Variants in PCDH9 observed in about 807,000 individuals in gnomAD.
PCDH9 encodes protocadherin 9.
PCDH9 carries 24 observed loss-of-function variants against 70.6 expected under a neutral mutation model. The observed-to-expected ratio is 0.34, with a 90% CI of 0.25 to 0.48. The LOEUF (loss-of-function observed/expected upper bound fraction) is 0.48, where lower values mean the gene tolerates loss of function less well. Ranked by LOEUF, PCDH9 falls within the 20% of genes least tolerant of loss-of-function variation. The pLI is 0.99. For synonymous variants in PCDH9, 562 were observed against 558.5 expected (o/e 1.01, Z -0.09); for missense variants, 1,281 against 1,503.6 (o/e 0.85, Z 2.45).
chr13:67,085,896 G>A (rs2086097569), intron 2 of PCDH9, among the ~76,000 whole-genome samples: 2 of 152,128 alleles, frequency 1.3e-5, no homozygotes, highest in South Asian at 4.1e-4. Flanking sequence ...CATGCGAATA[G>A]GTAATGTTCG....
In PCDH9 at chr13:66,808,803, C is replaced by T. The variant is rs1160166834; in HGVS notation, c.3138+94701G>A. ...CAGTTGCCGCATCAGAACCCAGAAG[C>T]TTATGAGTAATGCAGTATTTCAGGC... On this transcript the variant is annotated intron_variant, in intron 3 of 4. Transcript: ENST00000377865. Among the ~76,000 whole-genome samples the T allele has an allele frequency of 2.6e-5, 4 of 152,126 alleles. No homozygotes were observed. In the East Asian group the frequency reaches 7.7e-4, roughly 29 times the overall value.
intron 2 of PCDH9, among the ~76,000 whole-genome samples, chr13:67,015,901 T>C (rs1350015993): frequency 1.3e-5 from 2 of 152,194 alleles, no homozygotes; most frequent in African/African-American, 4.8e-5. Flanking sequence ...GTCCCTCCAG[T>C]GAAATTATAA....
chr13:66,693,227 G>A (rs952737040), intron 3 of PCDH9, among the ~76,000 whole-genome samples: 11 of 152,044 alleles, frequency 7.2e-5, no homozygotes, highest in African/African-American at 2.7e-4. Flanking sequence ...CCACAGAACT[G>A]TGGTATTACA....
At chr13:66,327,419 T>C (rs2138106749) in intron 4 of PCDH9, among the ~76,000 whole-genome samples, 1 of 152,358 alleles carries the variant, frequency 6.6e-6, no homozygotes, top group South Asian at 2.1e-4. Flanking sequence ...GGGAGACCTC[T>C]TGGTGTAGAA....
At chr13:66,417,039 T>A (rs553889060) in intron 4 of PCDH9, among the ~76,000 whole-genome samples, 1 of 152,304 alleles carries the variant, frequency 6.6e-6, no homozygotes, top group South Asian at 2.1e-4. Context: ...GAATTTTTTT[T>A]ATTATACTTT....
chr13:66,769,652 T>C (rs566996938), intron 3 of PCDH9, among the ~76,000 whole-genome samples: 1 of 152,216 alleles, frequency 6.6e-6, no homozygotes, highest in African/African-American at 2.4e-5. Flanking sequence ...CTTTCTGCAA[T>C]GGAAGTTAAA....
chr13:66,657,340 G>C (rs1424629651), intron 3 of PCDH9, among the ~76,000 whole-genome samples: 1 of 152,082 alleles, frequency 6.6e-6, no homozygotes, highest in Non-Finnish European at 1.5e-5. Context: ...AAATAACAGG[G>C]AGGCGCCTGG....
At chr13:66,614,721 T>C (rs4387492) in intron 4 of PCDH9, among the ~76,000 whole-genome samples, 148,597 of 152,300 alleles carry the variant, frequency 0.98, 72,604 homozygotes, top group East Asian at 1. Context: ...AGAAATAGCA[T>C]TTGAACATAA....
At chr13:67,033,168 T>C (rs1315172251) in intron 2 of PCDH9, among the ~76,000 whole-genome samples, 1 of 152,200 alleles carries the variant, frequency 6.6e-6, no homozygotes, top group East Asian at 1.9e-4. Context: ...TTCTCTCTCT[T>C]TTCTGTGATT....
At chr13:67,035,631 T>TA (rs1277841810) in intron 2 of PCDH9, among the ~76,000 whole-genome samples, 16 of 149,886 alleles carry the variant, frequency 1.1e-4, no homozygotes, top group Admixed American at 9.4e-4. Context: ...TTTGACTTGT[T>TA]AAAAAAAATG....
At chr13:67,111,855 A>G (rs924236022) in intron 2 of PCDH9, among the ~76,000 whole-genome samples, 5 of 152,134 alleles carry the variant, frequency 3.3e-5, no homozygotes, top group African/African-American at 7.2e-5. Flanking sequence ...ACTGTCATTT[A>G]TTTTTAATAA....
chr13:66,977,683 C>G (rs1355960173), intron 2 of PCDH9, among the ~76,000 whole-genome samples: 1 of 152,058 alleles, frequency 6.6e-6, no homozygotes. Flanking sequence ...ACTGTCATAG[C>G]AGGTTCCAGC....
intron 3 of PCDH9, among the ~76,000 whole-genome samples, chr13:66,774,793 C>A (rs1348779606): frequency 6.6e-6 from 1 of 152,158 alleles, no homozygotes; most frequent in African/African-American, 2.4e-5. Context: ...TTACAATTAT[C>A]CCTGTCCTCC....
chr13:66,886,719 G>A (rs754443753), intron 3 of PCDH9, among the ~76,000 whole-genome samples: 1 of 152,166 alleles, frequency 6.6e-6, no homozygotes, highest in Non-Finnish European at 1.5e-5. Flanking sequence ...AAACAGCTAA[G>A]TAGCAGTGTG....
intron 2 of PCDH9, among the ~76,000 whole-genome samples, chr13:67,023,127 G>A (rs1034263084): frequency 1.2e-4 from 18 of 151,742 alleles, no homozygotes; most frequent in Admixed American, 1.3e-4. Flanking sequence ...TTCAGCAAGG[G>A]GTTTAGGAAA....
intron 2 of PCDH9, among the ~76,000 whole-genome samples, chr13:67,164,943 A>G (rs997722625): frequency 6.6e-6 from 1 of 151,992 alleles, no homozygotes; most frequent in Non-Finnish European, 1.5e-5. Context: ...ACGTTAATTC[A>G]TTTACCTGTT....
chr13:67,159,551 G>C (rs1293591222), intron 2 of PCDH9, among the ~76,000 whole-genome samples: 6 of 152,140 alleles, frequency 3.9e-5, no homozygotes, highest in African/African-American at 1.2e-4. Flanking sequence ...AGAGAAACCA[G>C]ACTGGACCCC....
intron 3 of PCDH9, among the ~76,000 whole-genome samples, chr13:66,792,772 G>C (rs1470654296): frequency 6.6e-6 from 1 of 152,026 alleles, no homozygotes; most frequent in African/African-American, 2.4e-5. Flanking sequence ...CATTAAATTG[G>C]CTATACATGT....
intron 2 of PCDH9, among the ~76,000 whole-genome samples, chr13:67,097,459 T>C (rs191073440): frequency 1.8e-4 from 28 of 152,222 alleles, no homozygotes; most frequent in East Asian, 1.4e-3. Context: ...AGACAAAGTA[T>C]AGCAATATGG....
Sources: allele counts gnomAD v4.1 joint callset (sites outside exome capture counted in the v4.1 genomes callset), GRCh38; gene constraint gnomAD v4.1.1; transcripts MANE v1.5; gene names NCBI Gene and HGNC (gene_info 2026-07-23, HGNC 2026-07-21).